Variants in ME1 observed in about 807,000 individuals in gnomAD.
ME1 encodes the protein NADP-dependent malic enzyme.
ME1 carries 74 observed loss-of-function variants against 66.4 expected under a neutral mutation model. The observed-to-expected ratio is 1.11, with a 90% CI of 0.92 to 1.35. ME1 has a LOEUF of 1.35. Ranked by LOEUF, ME1 falls within the 40% of genes most tolerant of loss-of-function variation. ME1 has a pLI of 0.00. For missense variants in ME1, 750 were observed against 694.1 expected, an observed-to-expected ratio of 1.08 and a Z score of -0.90; for synonymous variants, 251 against 235.6, an observed-to-expected ratio of 1.07 and a Z score of -0.60.
intron 3 of ME1, among the ~76,000 whole-genome samples, chr6:83,381,275 G>A (rs1769391625): frequency 6.6e-6 from 1 of 152,062 alleles, no homozygotes; most frequent in Non-Finnish European, 1.5e-5. Flanking sequence ...TGGCTCTTCT[G>A]GGAGGGCAAG....
At chr6:83,348,737 G>A (rs529686286) in intron 4 of ME1, among the ~76,000 whole-genome samples, 2 of 150,300 alleles carry the variant, frequency 1.3e-5, no homozygotes, top group Admixed American at 6.7e-5. Context: ...TATAATCCCA[G>A]CACACTTTGG....
chr6:83,219,914 A>G (rs1790058576), intron 12 of ME1, among the ~76,000 whole-genome samples: 1 of 151,980 alleles, frequency 6.6e-6, no homozygotes, highest in African/African-American at 2.4e-5. Flanking sequence ...AAAAGAACCA[A>G]TAGGCAGCCC....
intron 3 of ME1, among the ~76,000 whole-genome samples, chr6:83,357,935 C>CTCTCTCTCTCTCTATA (rs1447805761): frequency 3.3e-5 from 1 of 30,038 alleles, no homozygotes; most frequent in Non-Finnish European, 5.9e-5. Context: ...CTCTCTCTCT[C>CTCTCTCTCTCTCTATA]TATATATATA....
At chr6:83,251,945 C>A (rs970454221) in intron 7 of ME1, among the ~76,000 whole-genome samples, 1 of 152,200 alleles carries the variant, frequency 6.6e-6, no homozygotes, top group South Asian at 2.1e-4. Context: ...CTACATCTGA[C>A]AAATTGTAGA....
chr6:83,430,827 AC>A (rs1770471831), intron 1 of ME1, 49 bp downstream of exon 1: 4 of 1,480,738 alleles, frequency 2.7e-6, no homozygotes, highest in Non-Finnish European at 3.7e-6. Flanking sequence ...GAGGGCCCTG[AC>A]CCTGATAGAG....
chr6:83,301,025 A>T (rs1235992407), intron 6 of ME1, among the ~76,000 whole-genome samples: 1 of 152,102 alleles, frequency 6.6e-6, no homozygotes, highest in Non-Finnish European at 1.5e-5. Context: ...GAAGGGGAAC[A>T]TCACACACCA....
chr6:83,290,095 T>A (rs976354603), intron 6 of ME1, among the ~76,000 whole-genome samples: 1 of 152,190 alleles, frequency 6.6e-6, no homozygotes, highest in African/African-American at 2.4e-5. Context: ...CATTCATTAA[T>A]TTTTGAAGGT....
intron 6 of ME1, among the ~76,000 whole-genome samples, chr6:83,269,127 TG>T (rs1212838330): frequency 2.0e-5 from 3 of 152,276 alleles, no homozygotes; most frequent in African/African-American, 7.2e-5. Context: ...CTATAGTATG[TG>T]GGTAAAGGTA....
chr6:83,384,143 G>A (rs1769458130), intron 3 of ME1, among the ~76,000 whole-genome samples: 1 of 151,812 alleles, frequency 6.6e-6, no homozygotes, highest in African/African-American at 2.4e-5. Context: ...ACCAGTGCAT[G>A]TGTCTTTTTG....
Position 83,396,975 on chromosome 6 carries a change from T to TA in ME1, c.362+1391dup, listed in dbSNP as rs201539428. 8.8e-3 allele frequency among the ~76,000 whole-genome samples: 1,335 copies of TA among 152,032 alleles called. 19 individuals carry two copies. Among genetic ancestry groups the TA allele is most frequent in the African/African-American group, 0.03 (1,246 of 41,452 alleles). On this transcript the variant is annotated intron_variant, in intron 3 of 13. Transcript: ENST00000369705. ...ATTAGACCCTTATTTCACACCATAT[T>TA]AAAAAAAATCAACTCAATAGGTAAA...
intron 6 of ME1, among the ~76,000 whole-genome samples, chr6:83,282,387 A>C (rs1286628587): frequency 6.6e-6 from 1 of 152,248 alleles, no homozygotes; most frequent in Non-Finnish European, 1.5e-5. Flanking sequence ...TAATATCCAG[A>C]ATCTACAAAG....
chr6:83,313,044 A>C (rs556156758), intron 6 of ME1, among the ~76,000 whole-genome samples: 1 of 152,344 alleles, frequency 6.6e-6, no homozygotes, highest in South Asian at 2.1e-4. Context: ...GGTGTGAGCC[A>C]CTGTGCCTGG....
At chr6:83,334,073 G>T (rs963959040) in intron 5 of ME1, among the ~76,000 whole-genome samples, 1 of 152,132 alleles carries the variant, frequency 6.6e-6, no homozygotes, top group African/African-American at 2.4e-5. Flanking sequence ...TCTCACTAGG[G>T]AGTGCCAGAC....
At chr6:83,398,555 A>C (rs554087622) in intron 2 of ME1, 39 bp from the exon 3 acceptor site, 1 of 1,118,798 alleles carries the variant, frequency 8.9e-7, no homozygotes, top group African/African-American at 1.6e-5. Context: ...CATCCCATAA[A>C]GTCATGAAAT....
chr6:83,239,284 T>G (rs540409080), intron 8 of ME1, among the ~76,000 whole-genome samples: 1 of 152,158 alleles, frequency 6.6e-6, no homozygotes, highest in Admixed American at 6.5e-5. Flanking sequence ...ACCTTAGATA[T>G]GCATAACAAA....
In ME1 at chr6:83,360,072, C is replaced by T. The variant is rs78077934; in HGVS notation, c.363-7933G>A. ...CTACACAATCTGAAAATTTCTAGGT[C>T]GAATGGACAAAAGGCTAATTTGAAT... On this transcript the variant is annotated intron_variant, in intron 3 of 13. Coordinates refer to ENST00000369705, the MANE Select transcript of ME1 (RefSeq NM_002395.6). Among the ~76,000 whole-genome samples, 18 of 152,226 alleles carry T rather than the reference C, an allele frequency of 1.2e-4. No individual in the cohort carries two copies. The East Asian group carries it at 2.7e-3, about 23-fold the overall frequency.
At chr6:83,298,115 C>T (rs979754955) in intron 6 of ME1, among the ~76,000 whole-genome samples, 1 of 152,160 alleles carries the variant, frequency 6.6e-6, no homozygotes, top group Non-Finnish European at 1.5e-5. Flanking sequence ...TTTTCTGGTT[C>T]TATATCTTTG....
At chr6:83,331,125 G>T (rs1768399953) in intron 5 of ME1, among the ~76,000 whole-genome samples, 1 of 152,160 alleles carries the variant, frequency 6.6e-6, no homozygotes, top group African/African-American at 2.4e-5. Context: ...ACCTCTTGAG[G>T]ACTGATCATG....
chr6:83,319,993 T>G (rs190571197), intron 5 of ME1, among the ~76,000 whole-genome samples: 16 of 152,326 alleles, frequency 1.1e-4, no homozygotes, highest in Admixed American at 3.3e-4. Context: ...CAGATTTAGA[T>G]GACAATTTCT....
Sources: allele counts gnomAD v4.1 joint callset (sites outside exome capture counted in the v4.1 genomes callset), GRCh38; gene constraint gnomAD v4.1.1; transcripts MANE v1.5; gene names NCBI Gene and HGNC (gene_info 2026-07-23, HGNC 2026-07-21).